FNDC3B: variants seen among roughly 807,000 people sequenced by gnomAD.
FNDC3B encodes the protein fibronectin type III domain-containing protein 3B.
A neutral mutation model predicts 151.5 loss-of-function variants in FNDC3B; 12 were observed. That is an observed-to-expected ratio of 0.08 (90% CI 0.05 to 0.13). FNDC3B has a LOEUF of 0.13. Ranked by LOEUF, FNDC3B falls within the 10% of genes least tolerant of loss-of-function variation. The pLI, the probability that FNDC3B is intolerant of heterozygous loss-of-function variation, is 1.00. For synonymous variants in FNDC3B, 528 were observed against 549.0 expected, an observed-to-expected ratio of 0.96 and a Z score of 0.54; for missense variants, 1,214 against 1,505.3, an observed-to-expected ratio of 0.81 and a Z score of 3.20.
chr3:172,048,728 A>G (rs968540080), intron 1 of FNDC3B, among the ~76,000 whole-genome samples: 4 of 152,190 alleles, frequency 2.6e-5, no homozygotes, highest in African/African-American at 9.7e-5. Context: ...TAAACAAAAT[A>G]TGGTATTATA....
At chr3:172,383,627 A>G (rs1248960615) in intron 25 of FNDC3B, among the ~76,000 whole-genome samples, 1 of 152,222 alleles carries the variant, frequency 6.6e-6, no homozygotes, top group Admixed American at 6.5e-5. Context: ...TCACCCTCCC[A>G]GGTGACACTG....
intron 1 of FNDC3B, among the ~76,000 whole-genome samples, chr3:172,096,173 C>A (rs1719082630): frequency 6.6e-6 from 1 of 152,132 alleles, no homozygotes; most frequent in Non-Finnish European, 1.5e-5. Flanking sequence ...TACATACATT[C>A]ATTCTGATTA....
intron 4 of FNDC3B, among the ~76,000 whole-genome samples, chr3:172,239,832 G>GT (rs1173504895): frequency 1.1e-5 from 1 of 87,328 alleles, no homozygotes; most frequent in Non-Finnish European, 2.5e-5. Flanking sequence ...AAATATAAAT[G>GT]TTTTTAGGAG....
chr3:172,393,323 G>A (rs568688052), intron 25 of FNDC3B, among the ~76,000 whole-genome samples: 1 of 152,144 alleles, frequency 6.6e-6, no homozygotes, highest in Non-Finnish European at 1.5e-5. Flanking sequence ...AATTCATCAA[G>A]AGGATATAAC....
At chr3:172,282,804 G>A (rs1729807127) in intron 6 of FNDC3B, among the ~76,000 whole-genome samples, 1 of 152,150 alleles carries the variant, frequency 6.6e-6, no homozygotes, top group South Asian at 2.1e-4. Flanking sequence ...ACAGTCAAAG[G>A]TTATACTTGC....
chr3:172,132,132 A>C (rs1721135564), intron 2 of FNDC3B, among the ~76,000 whole-genome samples: 1 of 152,230 alleles, frequency 6.6e-6, no homozygotes, highest in African/African-American at 2.4e-5. Flanking sequence ...CCTGGGAGTC[A>C]AAACACTGTT....
intron 3 of FNDC3B, among the ~76,000 whole-genome samples, chr3:172,174,942 C>CCCCCCCCCCCCCCCCCCCCCCCCCA: frequency 1.5e-5 from 1 of 66,492 alleles, no homozygotes; most frequent in East Asian, 5.1e-4. Flanking sequence ...CACCCCCCCC[C>CCCCCCCCCCCCCCCCCCCCCCCCCA]CCCCAATACA....
chr3:172,312,652 A>G (rs769156463), intron 11 of FNDC3B, among the ~76,000 whole-genome samples: 1 of 151,848 alleles, frequency 6.6e-6, no homozygotes, highest in Non-Finnish European at 1.5e-5. Context: ...GCGTGCGTGC[A>G]TGCACACACT....
chr3:172,234,146 GACATAATAGA>G (rs770441761), intron 4 of FNDC3B, among the ~76,000 whole-genome samples: 4 of 152,140 alleles, frequency 2.6e-5, no homozygotes, highest in Non-Finnish European at 4.4e-5. Context: ...CCGGCATCGT[GACATAATAGA>G]ACATGGGATT....
chr3:172,208,908 G>A (rs1725571284), intron 3 of FNDC3B, among the ~76,000 whole-genome samples: 1 of 152,162 alleles, frequency 6.6e-6, no homozygotes, highest in Admixed American at 6.5e-5. Flanking sequence ...CTCCGTGCAA[G>A]GCTGTGGCTG....
chr3:172,376,937 C>T (rs1236766512), intron 23 of FNDC3B, among the ~76,000 whole-genome samples: 3 of 152,010 alleles, frequency 2.0e-5, no homozygotes, highest in African/African-American at 4.8e-5. Flanking sequence ...TCCATTCATC[C>T]ATCCAGAGGG....
rs150515527 is a variant in FNDC3B, at chr3:172,246,343, T to A, written c.265-1190T>A. On this transcript the variant is annotated intron_variant, in intron 4 of 25. Coordinates refer to ENST00000415807, the MANE Select transcript of FNDC3B (RefSeq NM_022763.4). ...GCAGGGCCCTGACCTAGAGGCCATC[T>A]CTCAGCTGTCCCAGCCCTGCCAATT... is the stretch of plus-strand genomic sequence containing the variant. Among the ~76,000 whole-genome samples, 807 of 152,352 alleles carry A rather than the reference T, an allele frequency of 5.3e-3. 1 individual carries two copies. Among genetic ancestry groups the A allele is most frequent in the Admixed American group, 9.5e-3 (146 of 15,302 alleles).
chr3:172,347,820 CCCCACCT>C (rs1443303846), intron 21 of FNDC3B, among the ~76,000 whole-genome samples: 1 of 152,190 alleles, frequency 6.6e-6, no homozygotes, highest in Non-Finnish European at 1.5e-5. Context: ...GATTACAGGA[CCCCACCT>C]CCCACCTCCC....
At chr3:172,386,984 T>C (rs1735749581) in intron 25 of FNDC3B, among the ~76,000 whole-genome samples, 1 of 151,834 alleles carries the variant, frequency 6.6e-6, no homozygotes, top group African/African-American at 2.4e-5. Context: ...TGAGATGGAG[T>C]CTCGCTCTGT....
chr3:172,079,118 T>C (rs541895367), intron 1 of FNDC3B, among the ~76,000 whole-genome samples: 1 of 152,306 alleles, frequency 6.6e-6, no homozygotes, highest in African/African-American at 2.4e-5. Flanking sequence ...GATCTGGCCC[T>C]AGATTTATAA....
At chr3:172,216,606 G>A (rs918029423) in intron 3 of FNDC3B, among the ~76,000 whole-genome samples, 1 of 152,228 alleles carries the variant, frequency 6.6e-6, no homozygotes, top group African/African-American at 2.4e-5. Flanking sequence ...CCAGGAGGTT[G>A]AGGCTGCGTT....
chr3:172,319,235 G>A (rs1171193554), intron 11 of FNDC3B, among the ~76,000 whole-genome samples: 2 of 152,138 alleles, frequency 1.3e-5, no homozygotes, highest in Admixed American at 6.6e-5. Context: ...CTAGGTGGAT[G>A]GACCAACCCC....
intron 3 of FNDC3B, among the ~76,000 whole-genome samples, chr3:172,199,180 T>G (rs573546371): frequency 6.9e-6 from 1 of 145,080 alleles, no homozygotes; most frequent in Non-Finnish European, 1.5e-5. Context: ...TTTTATTTTA[T>G]TTTTTATTTT....
intron 3 of FNDC3B, among the ~76,000 whole-genome samples, chr3:172,204,623 G>T (rs1725330580): frequency 6.6e-6 from 1 of 152,160 alleles, no homozygotes; most frequent in African/African-American, 2.4e-5. Flanking sequence ...TTTATAAACT[G>T]TCTCTTAGTT....
Sources: allele counts gnomAD v4.1 joint callset (sites outside exome capture counted in the v4.1 genomes callset), GRCh38; gene constraint gnomAD v4.1.1; transcripts MANE v1.5; gene names NCBI Gene and HGNC (gene_info 2026-07-23, HGNC 2026-07-21).